ZNF627: variants seen among roughly 807,000 people sequenced by gnomAD.
ZNF627 encodes zinc finger protein 627.
ZNF627 carries 12 observed loss-of-function variants against 10.6 expected under a neutral mutation model. The observed-to-expected ratio is 1.13, with a 90% CI of 0.73 to 1.84. The LOEUF (loss-of-function observed/expected upper bound fraction) is 1.84, where lower values mean the gene tolerates loss of function less well. Ranked by LOEUF, ZNF627 falls within the 40% of genes most tolerant of loss-of-function variation. The probability of loss-of-function intolerance (pLI) is 0.00; values close to 1 mark genes in which losing one functional copy is unlikely to be tolerated. For missense variants in ZNF627, 504 were observed against 568.4 expected, an observed-to-expected ratio of 0.89 and a Z score of 1.15; for synonymous variants, 176 against 187.1, an observed-to-expected ratio of 0.94 and a Z score of 0.48.
At chr19:11,610,063 T>G (rs986123157) in intron 1 of ZNF627, among the ~76,000 whole-genome samples, 1 of 149,602 alleles carries the variant, frequency 6.7e-6, no homozygotes, top group Non-Finnish European at 1.5e-5. Flanking sequence ...TTTTTTTTTT[T>G]TTTTTTGAGA....
In ZNF627 at chr19:11,608,102, A is replaced by G. The variant is rs528374094; in HGVS notation, c.4-6425A>G. Among the ~76,000 whole-genome samples the G allele has an allele frequency of 2.4e-4, 36 of 152,336 alleles. No individual in the cohort carries two copies. The South Asian group carries it at 7.5e-3, about 32-fold the overall frequency. ...AGGAAAAAGCAAACATGTCCTTCAC[A>G]TGGTGGCAGCAAGGAGAAGTGCAGA... On this transcript the variant is annotated intron_variant, in intron 1 of 3. Transcript: ENST00000361113.
In ZNF627 at chr19:11,616,997, A is replaced by G. The variant is rs1172125382; in HGVS notation, c.494A>G (p.Lys165Arg). The G allele has an allele frequency of 1.2e-6, 2 of 1,614,184 alleles. No homozygotes were observed. The highest frequency in any genetic ancestry group is 1.7e-6 in the Non-Finnish European group (2 of 1,180,028). The change falls in exon 4 of 4, where the codon AAG becomes AGG. Residue 165 changes from lysine (K) to arginine (R), a missense_variant. Lys to Arg is a conservative substitution (Grantham distance 26). Transcript: ENST00000361113. ...CGTGAAAGGACTCATCCTGGAGGAA[A>G]GCCCTATGATTGTAAGGAATGTGGA... is the stretch of plus-strand genomic sequence containing the variant. ...PVRERTHPGGKPYDCKECGET... is the reference protein window; with the variant it reads ...PVRERTHPGGRPYDCKECGET...
At chr19:11,609,397 A>G (rs1973725942) in intron 1 of ZNF627, among the ~76,000 whole-genome samples, 2 of 138,146 alleles carry the variant, frequency 1.4e-5, no homozygotes, top group South Asian at 4.8e-4. Flanking sequence ...TTGAACACCT[A>G]TAGAGAAATT....
At chr19:11,608,875 T>C (rs1456868436) in intron 1 of ZNF627, among the ~76,000 whole-genome samples, 1 of 151,954 alleles carries the variant, frequency 6.6e-6, no homozygotes, top group African/African-American at 2.4e-5. Flanking sequence ...TAACTTATTA[T>C]TATTATTATT....
intron 1 of ZNF627, among the ~76,000 whole-genome samples, chr19:11,599,820 T>A (rs1385499159): frequency 6.6e-6 from 1 of 151,834 alleles, no homozygotes; most frequent in Non-Finnish European, 1.5e-5. Flanking sequence ...GGCATGAGAA[T>A]CGCTTTAACG....
At position 11,617,643 on chromosome 19, in the gene ZNF627, A is replaced by G; in HGVS notation, c.1140A>G (p.Lys380=). 1 of 1,613,594 alleles carries G rather than the reference A, an allele frequency of 6.2e-7. No individual in the cohort carries two copies. Among genetic ancestry groups the G allele is most frequent in the Non-Finnish European group, 8.5e-7 (1 of 1,179,854 alleles). ...TCAGTTGTTCCAGTTCGTTTCGAAA[A>G]CATGAAAGAATTCACACTGGAGAGA... ...KAFSCSSSFR[K]HERIHTGEKP... Residue 380 remains lysine, a synonymous_variant, in exon 4 of 4, where the codon AAA becomes AAG. Transcript: ENST00000361113.
At chr19:11,612,602 G>T (rs1380846483) in intron 1 of ZNF627, among the ~76,000 whole-genome samples, 2 of 151,576 alleles carry the variant, frequency 1.3e-5, no homozygotes, top group Non-Finnish European at 2.9e-5. Flanking sequence ...TGTATTTTTA[G>T]TAGAGATGGG....
rs1425163254 is a variant in ZNF627, at chr19:11,616,990, G to T, written c.487G>T (p.Gly163Ter). The change falls in exon 4 of 4, where the codon GGA (glycine) becomes TGA (stop). Residue 163 changes from glycine (G) to a stop codon, truncating the protein, a stop_gained. Coordinates refer to ENST00000361113, the MANE Select transcript of ZNF627 (RefSeq NM_145295.4). LOFTEE classifies it low-confidence loss of function (END_TRUNC). ...TCCAGTACGTGAAAGGACTCATCCT[G>T]GAGGAAAGCCCTATGATTGTAAGGA... Reference protein sequence around the residue: ...SFPVRERTHPGGKPYDCKECG... With the variant: ...SFPVRERTHP 1 of 1,614,132 alleles carries T rather than the reference G, an allele frequency of 6.2e-7. No individual in the cohort carries two copies. The highest frequency in any genetic ancestry group is 8.5e-7 in the Non-Finnish European group (1 of 1,180,034).
At chr19:11,608,574 A>G (rs1036153065) in intron 1 of ZNF627, among the ~76,000 whole-genome samples, 3 of 152,232 alleles carry the variant, frequency 2.0e-5, no homozygotes, top group African/African-American at 7.2e-5. Flanking sequence ...CATTGTGTAA[A>G]ATCTGTGTCC....
chr19:11,614,490 C>T (rs1973831732), intron 1 of ZNF627, 37 bp from the exon 2 acceptor site: 1 of 1,613,164 alleles, frequency 6.2e-7, no homozygotes, highest in Non-Finnish European at 8.5e-7. Flanking sequence ...TGCTGTCTGT[C>T]TCAACCTTCC....
chr19:11,616,899 G>A lies in ZNF627; in HGVS notation c.396G>A (p.Gln132=), dbSNP rs186272542. 1.9e-6 allele frequency: 3 copies of A among 1,614,084 alleles called. No individual in the cohort carries two copies. The highest frequency in any genetic ancestry group is 1.6e-4 in the Middle Eastern group (1 of 6,062). ...DHTGREPNEY[Q]EYGKKSYTRN... is the part of the protein sequence containing the mutation. ...CTGGACGTGAACCAAATGAATATCA[G>A]GAATATGGAAAGAAGTCATATACAC... Residue 132 remains glutamine (Q), a synonymous_variant, in exon 4 of 4, where the codon CAG becomes CAA. Transcript: ENST00000361113.
rs1973896362 is a variant in ZNF627, at chr19:11,617,530, G to A, written c.1027G>A (p.Ala343Thr). The change falls in exon 4 of 4, where the codon GCC becomes ACC. Residue 343 changes from alanine (A) to threonine (T), a missense_variant. Physicochemically the swap from Ala to Thr is moderately conservative, Grantham distance 58. Coordinates refer to ENST00000361113, the MANE Select transcript of ZNF627 (RefSeq NM_145295.4). ...GPYKCKVCGK[A>T]FDFPSSFRIH... is the part of the protein sequence containing the mutation. Reference sequence around the variant, plus strand: ...TTATAAATGTAAGGTGTGTGGGAAAGCCTTTGATTTCCCCAGTTCATTTCG... The same window carrying A: ...TTATAAATGTAAGGTGTGTGGGAAAACCTTTGATTTCCCCAGTTCATTTCG... 2 of 1,613,606 alleles carry A rather than the reference G, an allele frequency of 1.2e-6. No individual in the cohort carries two copies. Among genetic ancestry groups the A allele is most frequent in the South Asian group, 2.2e-5 (2 of 91,074 alleles).
intron 1 of ZNF627, among the ~76,000 whole-genome samples, chr19:11,608,711 G>A (rs1300557871): frequency 6.6e-6 from 1 of 150,830 alleles, no homozygotes; most frequent in Non-Finnish European, 1.5e-5. Flanking sequence ...ACTTTTTTTT[G>A]GAAAGAGCTA....
chr19:11,603,974 A>ATTT, intron 1 of ZNF627, among the ~76,000 whole-genome samples: 1 of 141,842 alleles, frequency 7.1e-6, no homozygotes, highest in African/African-American at 2.6e-5. Context: ...CATCTGGCTA[A>ATTT]TTTTTTTTTT....
In ZNF627 at chr19:11,617,555, G is replaced by A. The variant is rs72489416; in HGVS notation, c.1052G>A (p.Arg351Gln). ...GCCTTTGATTTCCCCAGTTCATTTC[G>A]AATCCATGAAAGGACCCACACTGGA... The part of the protein sequence containing the change: ...GKAFDFPSSF[R>Q]IHERTHTGEK... The change falls in exon 4 of 4, where the codon CGA (arginine) becomes CAA (glutamine). Residue 351 changes from arginine (R) to glutamine (Q), a missense_variant. By Grantham distance (43) the Arg-to-Gln change is conservative. Coordinates refer to ENST00000361113, the MANE Select transcript of ZNF627 (RefSeq NM_145295.4). The A allele has an allele frequency of 1.6e-5, 26 of 1,613,698 alleles. No individual in the cohort carries two copies. The East Asian group carries it at 3.6e-4, about 22-fold the overall frequency.
intron 1 of ZNF627, among the ~76,000 whole-genome samples, chr19:11,610,365 T>A (rs574408242): frequency 5.2e-4 from 79 of 152,272 alleles, no homozygotes; most frequent in African/African-American, 1.8e-3. Context: ...CCATAATCTG[T>A]TGGCTCAGGT....
intron 1 of ZNF627, among the ~76,000 whole-genome samples, chr19:11,610,764 T>C (rs1220031343): frequency 6.6e-6 from 1 of 152,238 alleles, no homozygotes; most frequent in Non-Finnish European, 1.5e-5. Flanking sequence ...AACAAACTTA[T>C]GGAGCGCCTT....
Position 11,617,672 on chromosome 19 carries a change from C to T in ZNF627, c.1169C>T (p.Pro390Leu). The change falls in exon 4 of 4, where the codon CCC becomes CTC. Residue 390 changes from proline to leucine, a missense_variant. Coordinates refer to ENST00000361113, the MANE Select transcript of ZNF627 (RefSeq NM_145295.4). Reference sequence around the variant, plus strand: ...GAAAGAATTCACACTGGAGAGAAACCCTATAAATGTACAAAATGTGGGAAA... The same window carrying T: ...GAAAGAATTCACACTGGAGAGAAACTCTATAAATGTACAAAATGTGGGAAA... ...KHERIHTGEK[P>L]YKCTKCGKAF... The T allele has an allele frequency of 6.2e-7, 1 of 1,612,936 alleles. No individual in the cohort carries two copies. The highest frequency in any genetic ancestry group is 2.2e-5 in the East Asian group (1 of 44,866).
At chr19:11,606,517 G>A (rs1973677947) in intron 1 of ZNF627, among the ~76,000 whole-genome samples, 1 of 152,156 alleles carries the variant, frequency 6.6e-6, no homozygotes, top group Non-Finnish European at 1.5e-5. Flanking sequence ...GGCTTTTCCA[G>A]GTGCGTGGTG....
Sources: allele counts gnomAD v4.1 joint callset (sites outside exome capture counted in the v4.1 genomes callset), GRCh38; gene constraint gnomAD v4.1.1; transcripts MANE v1.5; gene names NCBI Gene and HGNC (gene_info 2026-07-23, HGNC 2026-07-21).